The following LRMDA variants were observed in gnomAD, a reference collection of about 807,000 sequenced individuals.
LRMDA encodes leucine-rich melanocyte differentiation-associated protein.
Under a neutral mutation model 29.8 loss-of-function variants are expected in LRMDA, and 18 were observed. That is an observed-to-expected ratio of 0.60 (90% CI 0.42 to 0.90). The LOEUF is 0.90. Ranked by LOEUF, LRMDA falls within the 40% of genes least tolerant of loss-of-function variation. The pLI is 0.00. For synonymous variants in LRMDA, 125 were observed against 109.4 expected, an observed-to-expected ratio of 1.14 and a Z score of -0.89; for missense variants, 273 against 273.9, an observed-to-expected ratio of 1.00 and a Z score of 0.02.
At chr10:75,812,380 T>C (rs1843980175) in intron 2 of LRMDA, among the ~76,000 whole-genome samples, 1 of 152,174 alleles carries the variant, frequency 6.6e-6, no homozygotes. Context: ...CAATGTGTCT[T>C]TGGGAAGGGT....
At chr10:75,719,433 A>G (rs1177762055) in intron 2 of LRMDA, among the ~76,000 whole-genome samples, 2 of 152,244 alleles carry the variant, frequency 1.3e-5, no homozygotes, top group Non-Finnish European at 2.9e-5. Flanking sequence ...ACAATTTACC[A>G]TGTTTAAATT....
chr10:75,678,219 C>T (rs1378226617), intron 2 of LRMDA, among the ~76,000 whole-genome samples: 2 of 152,074 alleles, frequency 1.3e-5, no homozygotes, highest in Non-Finnish European at 1.5e-5. Flanking sequence ...GTATACTTTA[C>T]TAATAATTAT....
At chr10:75,608,534 A>G (rs1182651661) in intron 2 of LRMDA, among the ~76,000 whole-genome samples, 1 of 152,182 alleles carries the variant, frequency 6.6e-6, no homozygotes, top group Non-Finnish European at 1.5e-5. Context: ...AGACTACATT[A>G]ATTAGTTTGA....
intron 2 of LRMDA, among the ~76,000 whole-genome samples, chr10:75,985,961 A>G (rs1195366255): frequency 6.6e-6 from 1 of 152,250 alleles, no homozygotes; most frequent in Non-Finnish European, 1.5e-5. Flanking sequence ...CATGGTAGAA[A>G]GGCTCTTGTA....
At chr10:75,481,424 C>T (rs2132053135) in intron 2 of LRMDA, among the ~76,000 whole-genome samples, 1 of 152,262 alleles carries the variant, frequency 6.6e-6, no homozygotes, top group Admixed American at 6.5e-5. Flanking sequence ...GAATAGCCAT[C>T]AGATTTAGCG....
chr10:75,432,564 T>A (rs1404475484), intron 1 of LRMDA, among the ~76,000 whole-genome samples: 1 of 152,226 alleles, frequency 6.6e-6, no homozygotes, highest in Non-Finnish European at 1.5e-5. Flanking sequence ...TCTTCTCTGC[T>A]CTGATGAAGC....
intron 2 of LRMDA, among the ~76,000 whole-genome samples, chr10:75,737,724 G>A (rs1425977159): frequency 6.6e-6 from 1 of 152,122 alleles, no homozygotes; most frequent in Non-Finnish European, 1.5e-5. Context: ...TGATAATTAG[G>A]TGCTTGACAT....
intron 5 of LRMDA, among the ~76,000 whole-genome samples, chr10:76,142,185 A>G (rs1379762472): frequency 2.0e-5 from 3 of 151,950 alleles, no homozygotes; most frequent in African/African-American, 7.3e-5. Flanking sequence ...TTTTTCTTTC[A>G]ATGGATTTCA....
intron 6 of LRMDA, among the ~76,000 whole-genome samples, chr10:76,505,762 T>G (rs1842953215): frequency 6.6e-6 from 1 of 152,184 alleles, no homozygotes; most frequent in Non-Finnish European, 1.5e-5. Context: ...GTGTGTCATT[T>G]TAGTCATTTC....
chr10:76,495,872 T>A (rs1487024820), intron 6 of LRMDA, among the ~76,000 whole-genome samples: 1 of 21,404 alleles, frequency 4.7e-5, no homozygotes, highest in East Asian at 5.8e-4. Context: ...CCTGACACCT[T>A]ATTGAACTTG....
intron 2 of LRMDA, among the ~76,000 whole-genome samples, chr10:75,964,452 A>C (rs1182232803): frequency 6.6e-6 from 1 of 152,232 alleles, no homozygotes; most frequent in Non-Finnish European, 1.5e-5. Context: ...AACTGTCTTT[A>C]TATCAATATG....
At chr10:75,924,504 G>C (rs905720663) in intron 2 of LRMDA, among the ~76,000 whole-genome samples, 7 of 152,204 alleles carry the variant, frequency 4.6e-5, no homozygotes, top group African/African-American at 1.4e-4. Context: ...TGCGTGCTGA[G>C]GGGGAGAGAA....
At chr10:76,547,673 T>A (rs1346169213) in intron 6 of LRMDA, among the ~76,000 whole-genome samples, 1 of 152,086 alleles carries the variant, frequency 6.6e-6, no homozygotes, top group African/African-American at 2.4e-5. Flanking sequence ...TTTTCTCTCC[T>A]GTCTGAAAGA....
intron 5 of LRMDA, among the ~76,000 whole-genome samples, chr10:76,066,502 T>C (rs568794695): frequency 3.3e-5 from 5 of 152,278 alleles, no homozygotes; most frequent in African/African-American, 9.6e-5. Context: ...CCAAAACTCA[T>C]GTTCTTTCCC....
intron 2 of LRMDA, among the ~76,000 whole-genome samples, chr10:75,497,416 C>T (rs138449973): frequency 6.6e-6 from 1 of 152,066 alleles, no homozygotes; most frequent in Non-Finnish European, 1.5e-5. Context: ...ATCAGTATCC[C>T]TCACCCTGAA....
chr10:75,750,337 C>T (rs1220213906), intron 2 of LRMDA, among the ~76,000 whole-genome samples: 4 of 151,558 alleles, frequency 2.6e-5, no homozygotes, highest in South Asian at 2.1e-4. Context: ...AGCTGCTGGG[C>T]GGAGGGGCTC....
intron 6 of LRMDA, among the ~76,000 whole-genome samples, chr10:76,390,639 T>G (rs762698127): frequency 1.3e-5 from 2 of 152,158 alleles, no homozygotes; most frequent in Non-Finnish European, 2.9e-5. Flanking sequence ...GCCCCTTCAT[T>G]GCCCCTCCCA....
chr10:76,346,110 A>G (rs1009973136), intron 6 of LRMDA, among the ~76,000 whole-genome samples: 1 of 152,238 alleles, frequency 6.6e-6, no homozygotes, highest in Non-Finnish European at 1.5e-5. Flanking sequence ...ACACATGCAG[A>G]CACACACAGA....
intron 2 of LRMDA, among the ~76,000 whole-genome samples, chr10:75,514,148 C>T (rs1845259573): frequency 6.8e-6 from 1 of 147,708 alleles, no homozygotes; most frequent in South Asian, 2.2e-4. Flanking sequence ...GATTCAAAGG[C>T]AGTCCTCCTT....
Sources: allele counts gnomAD v4.1 joint callset (sites outside exome capture counted in the v4.1 genomes callset), GRCh38; gene constraint gnomAD v4.1.1; transcripts MANE v1.5; gene names NCBI Gene and HGNC (gene_info 2026-07-23, HGNC 2026-07-21).